VAV1: variants seen among roughly 807,000 people sequenced by gnomAD.
The protein encoded by VAV1 is proto-oncogene vav.
VAV1 carries 33 observed loss-of-function variants against 128.1 expected under a neutral mutation model. The ratio of observed to expected loss-of-function variants is 0.26; its 90% CI spans 0.20 to 0.34. The LOEUF is 0.34. Ranked by LOEUF, VAV1 falls within the 10% of genes least tolerant of loss-of-function variation. The pLI is 1.00. For synonymous variants in VAV1, 394 were observed against 409.8 expected (o/e 0.96, Z 0.47); for missense variants, 715 against 1,093.7 (o/e 0.65, Z 4.88).
At chr19:6,825,488 A>G in intron 8 of VAV1, 82 bp downstream of exon 8, 1 of 1,210,616 alleles carries the variant, frequency 8.3e-7, no homozygotes, top group Non-Finnish European at 1.2e-6. Context: ...TTACCCTCAG[A>G]CACCACTGGA....
rs4029439 is a variant in VAV1 at position 6,849,285 on chromosome 19, C to CTTTT, written c.2129+1189_2129+1192dup. Among the ~76,000 whole-genome samples, 156 of 92,160 alleles carry CTTTT rather than the reference C, an allele frequency of 1.7e-3. 2 individuals carry two copies. The highest frequency in any genetic ancestry group is 5.3e-3 in the African/African-American group (90 of 16,832). 60.5% of individuals were successfully genotyped at this position (92,160 alleles called of 152,430 possible). A position where few individuals can be genotyped will look rare whatever the true frequency, so the allele number is the denominator to read the frequency against. On this transcript the variant is annotated intron_variant, in intron 23 of 26. Coordinates refer to ENST00000602142, the MANE Select transcript of VAV1 (RefSeq NM_005428.4). ...CTCCCCCGAGTCTACTGTTTCCAGC[C>CTTTT]TTTTTTTTTTTTTTTTTTTTTGAGA...
intron 24 of VAV1, 79 bp from the exon 25 acceptor site, chr19:6,852,886 T>G: frequency 8.8e-7 from 1 of 1,140,570 alleles, no homozygotes; most frequent in Non-Finnish European, 1.3e-6. Context: ...TGTGAGGAGT[T>G]GCATATGGCT....
At chr19:6,843,008 T>C (rs1368437670) in intron 21 of VAV1, 127 bp from the exon 22 acceptor site, 3 of 1,021,982 alleles carry the variant, frequency 2.9e-6, no homozygotes, top group African/African-American at 3.2e-5. Context: ...CCACAGTGCC[T>C]GGCACATAAT....
chr19:6,838,097 G>GTCTGTCTA (rs1555705096), intron 21 of VAV1, among the ~76,000 whole-genome samples: 787 of 146,634 alleles, frequency 5.4e-3, no homozygotes, highest in African/African-American at 0.016. Context: ...CTGTCTGTCT[G>GTCTGTCTA]TCTATCTATC....
chr19:6,818,510 A>G (rs1194722131), intron 1 of VAV1, among the ~76,000 whole-genome samples: 2 of 152,052 alleles, frequency 1.3e-5, no homozygotes, highest in Non-Finnish European at 2.9e-5. Flanking sequence ...CATTGCATGC[A>G]CTGTTCTCTC....
intron 1 of VAV1, among the ~76,000 whole-genome samples, chr19:6,803,067 G>A (rs1370562321): frequency 2.0e-5 from 3 of 152,184 alleles, no homozygotes; most frequent in Non-Finnish European, 4.4e-5. Context: ...GGCAAGGCAA[G>A]CCCTAAATTG....
In VAV1 at chr19:6,826,823, A is replaced by T; in HGVS notation, c.927+112A>T. On this transcript the variant is annotated intron_variant, in intron 9 of 26. Coordinates refer to ENST00000602142, the MANE Select transcript of VAV1 (RefSeq NM_005428.4). This position sits in a 1 kb window ranked among gnomAD's most constrained non-coding sequence, Gnocchi z 4.1. ...CCACTTTCTGCTGCAGCCCAGCCAG[A>T]GATCCACCAAAGGACTAGGGAGGGA... 1.2e-6 allele frequency: 1 copy of T among 848,110 alleles called. No individual in the cohort carries two copies. Among genetic ancestry groups the T allele is most frequent in the South Asian group, 1.5e-5 (1 of 68,796 alleles). The allele number at this position is 848,110 out of a possible 1,614,324, so 52.5% of individuals were successfully genotyped here.
chr19:6,794,335 A>C (rs189724033), intron 1 of VAV1, among the ~76,000 whole-genome samples: 1 of 152,132 alleles, frequency 6.6e-6, no homozygotes, highest in Non-Finnish European at 1.5e-5. Flanking sequence ...AGAGGAGAAT[A>C]CAGTGACTGA....
At chr19:6,775,782 C>G (rs555863551) in intron 1 of VAV1, among the ~76,000 whole-genome samples, 6 of 152,240 alleles carry the variant, frequency 3.9e-5, no homozygotes, top group African/African-American at 1.4e-4. Context: ...GGGTGCCTAA[C>G]TGTCCACAGA....
chr19:6,846,387 G>A (rs1448534225), intron 22 of VAV1, among the ~76,000 whole-genome samples: 1 of 150,998 alleles, frequency 6.6e-6, no homozygotes, highest in Non-Finnish European at 1.5e-5. Context: ...AGGAGTTCGA[G>A]ACCAGTTTGG....
chr19:6,814,671 C>T (rs10413517), intron 1 of VAV1, among the ~76,000 whole-genome samples: 3,397 of 25,480 alleles, frequency 0.13, 306 homozygotes, highest in Non-Finnish European at 0.15. Flanking sequence ...TTCCTTCCTT[C>T]CTTTCTTTCT....
At chr19:6,833,111 A>C in intron 15 of VAV1, 73 bp from the exon 16 acceptor site, 2 of 1,324,840 alleles carry the variant, frequency 1.5e-6, no homozygotes, top group East Asian at 4.8e-5. Flanking sequence ...CATACCATGG[A>C]ATAGTATTCA....
At position 6,779,833 on chromosome 19, in the gene VAV1, C is replaced by A. The variant is rs993198955; in HGVS notation, c.204+6822C>A. 2.7e-5 allele frequency among the ~76,000 whole-genome samples: 4 copies of A among 148,694 alleles called. No homozygotes were observed. In the East Asian group the frequency reaches 7.9e-4, roughly 29 times the overall value. On this transcript the variant is annotated intron_variant, in intron 1 of 26. Transcript: ENST00000602142. ...TAGCTTCTAAAAAATAATAAAAGGCCGGGCACGGTGACTCACACCTGTAAT... is the reference window on the plus strand; with the variant it reads ...TAGCTTCTAAAAAATAATAAAAGGCAGGGCACGGTGACTCACACCTGTAAT...
intron 16 of VAV1, 103 bp downstream of exon 16, chr19:6,833,388 G>A (rs1377848358): frequency 1.4e-6 from 2 of 1,386,362 alleles, no homozygotes; most frequent in South Asian, 1.3e-5. Flanking sequence ...AGATGGGGGA[G>A]TCCCTACTTT....
At chr19:6,839,768 C>T (rs538228224) in intron 21 of VAV1, among the ~76,000 whole-genome samples, 190 of 152,216 alleles carry the variant, frequency 1.2e-3, no homozygotes, top group Non-Finnish European at 1.6e-3. Flanking sequence ...CTTGGCCCAC[C>T]GCAGCCTCGC....
At chr19:6,788,858 G>A (rs1011768386) in intron 1 of VAV1, among the ~76,000 whole-genome samples, 1 of 152,134 alleles carries the variant, frequency 6.6e-6, no homozygotes, top group African/African-American at 2.4e-5. Context: ...ACCTCAGAAG[G>A]GTAAATAAGA....
At chr19:6,844,126 T>C (rs774177274) in intron 22 of VAV1, among the ~76,000 whole-genome samples, 1 of 125,148 alleles carries the variant, frequency 8.0e-6, no homozygotes, top group Non-Finnish European at 1.6e-5. Flanking sequence ...TGAGAGAGGG[T>C]AAGTGAATTA....
At chr19:6,782,047 G>A (rs1229478134) in intron 1 of VAV1, among the ~76,000 whole-genome samples, 8 of 152,164 alleles carry the variant, frequency 5.3e-5, no homozygotes, top group African/African-American at 1.4e-4. Flanking sequence ...AAATGAGAAT[G>A]TTGGCCGTGC....
chr19:6,832,229 G>T, intron 15 of VAV1, 29 bp downstream of exon 15: 20 of 1,605,046 alleles, frequency 1.2e-5, no homozygotes, highest in Non-Finnish European at 1.5e-5. Flanking sequence ...CCCTCTTTCT[G>T]TCCACAGAGG....
Sources: allele counts gnomAD v4.1 joint callset (sites outside exome capture counted in the v4.1 genomes callset), GRCh38; gene constraint gnomAD v4.1.1; non-coding constraint Gnocchi (gnomAD v3.1); transcripts MANE v1.5; gene names NCBI Gene and HGNC (gene_info 2026-07-23, HGNC 2026-07-21).